SHROOM4: variants seen among roughly 807,000 people sequenced by gnomAD.
The protein encoded by SHROOM4 is protein Shroom4.
In SHROOM4, 17 loss-of-function variants were observed where a neutral mutation model predicts 80.3. That is an observed-to-expected ratio of 0.21 (90% confidence interval 0.14 to 0.32). The LOEUF (loss-of-function observed/expected upper bound fraction) is 0.32, where lower values mean the gene tolerates loss of function less well. SHROOM4 is among the 10% of genes least tolerant of loss of function. The probability of loss-of-function intolerance (pLI) is 1.00; values close to 1 mark genes in which losing one functional copy is unlikely to be tolerated. For synonymous variants in SHROOM4, 400 were observed against 437.5 expected (o/e 0.91, Z 1.07); for missense variants, 993 against 1,140.3 (o/e 0.87, Z 1.86).
intron 2 of SHROOM4, among the ~76,000 whole-genome samples, chrX:50,695,067 A>G (rs1602440410): frequency 9.0e-6 from 1 of 111,395 alleles, no homozygotes; most frequent in East Asian, 2.8e-4. Flanking sequence ...TAGCAGAATG[A>G]CTGTGCCCAA....
intron 2 of SHROOM4, among the ~76,000 whole-genome samples, chrX:50,675,147 G>GAACAAC (rs1557261169): frequency 1.8e-5 from 2 of 111,327 alleles, no homozygotes; most frequent in African/African-American, 6.5e-5. Context: ...TTAGAGAGGG[G>GAACAAC]AACAACACAC....
intron 2 of SHROOM4, among the ~76,000 whole-genome samples, chrX:50,643,028 C>A (rs1931664174): frequency 9.0e-6 from 1 of 110,974 alleles, no homozygotes; most frequent in Non-Finnish European, 1.9e-5. Context: ...TGAAACCATT[C>A]CCTCCATAGG....
chrX:50,623,395 C>T (rs1217512253), intron 5 of SHROOM4, among the ~76,000 whole-genome samples: 1 of 111,040 alleles, frequency 9.0e-6, no homozygotes, highest in African/African-American at 3.3e-5. Context: ...ACCATGTTGG[C>T]CAAGCTGGTC....
chrX:50,780,195 A>G (rs894912817), intron 1 of SHROOM4, among the ~76,000 whole-genome samples: 1 of 111,920 alleles, frequency 8.9e-6, no homozygotes, highest in African/African-American at 3.2e-5. Flanking sequence ...TTAAAAGCCA[A>G]CTAAGTAGTA....
At chrX:50,675,131 C>T (rs1932839293) in intron 2 of SHROOM4, among the ~76,000 whole-genome samples, 1 of 111,240 alleles carries the variant, frequency 9.0e-6, no homozygotes, top group Non-Finnish European at 1.9e-5. Flanking sequence ...CATACGTTGT[C>T]ATCATTTAGA....
intron 1 of SHROOM4, among the ~76,000 whole-genome samples, chrX:50,795,141 TATATG>T (rs1477274935): frequency 1.7e-3 from 4 of 2,316 alleles, no homozygotes; most frequent in African/African-American, 3.0e-3. Flanking sequence ...TATATATATA[TATATG>T]ATATATATAT....
At chrX:50,651,830 G>C (rs1457717965) in intron 2 of SHROOM4, among the ~76,000 whole-genome samples, 1 of 110,137 alleles carries the variant, frequency 9.1e-6, no homozygotes, top group Non-Finnish European at 1.9e-5. Context: ...AGAACATGTG[G>C]TGTTTGGTTT....
chrX:50,671,887 T>C (rs1475424466), intron 2 of SHROOM4, among the ~76,000 whole-genome samples: 1 of 112,976 alleles, frequency 8.9e-6, no homozygotes, highest in African/African-American at 3.2e-5. Context: ...TTCACATGCC[T>C]TCCTCACTAA....
chrX:50,669,566 G>A (rs1001939002), intron 2 of SHROOM4, among the ~76,000 whole-genome samples: 13 of 111,634 alleles, frequency 1.2e-4, no homozygotes, highest in African/African-American at 4.2e-4. Flanking sequence ...CTCCCAAAGT[G>A]CTGGGATTAC....
chrX:50,761,326 A>G (rs1557268852), intron 1 of SHROOM4, among the ~76,000 whole-genome samples: 1 of 111,777 alleles, frequency 8.9e-6, no homozygotes, highest in Non-Finnish European at 1.9e-5. Flanking sequence ...TAAGGATAAT[A>G]GCCTCCAGCT....
intron 5 of SHROOM4, among the ~76,000 whole-genome samples, chrX:50,618,335 C>CTTT (rs1930374559): frequency 1.7e-4 from 1 of 6,034 alleles, no homozygotes; most frequent in Admixed American, 1.6e-3. Flanking sequence ...TTCCTTCCTT[C>CTTT]CTTCCTTCCT....
intron 2 of SHROOM4, among the ~76,000 whole-genome samples, chrX:50,673,076 G>A (rs1181496741): frequency 9.0e-6 from 1 of 110,869 alleles, no homozygotes; most frequent in Admixed American, 9.5e-5. Context: ...GACAAAAGAA[G>A]GATTCCTGGA....
intron 1 of SHROOM4, among the ~76,000 whole-genome samples, chrX:50,771,002 T>C (rs782298519): frequency 6.3e-5 from 7 of 111,788 alleles, no homozygotes; most frequent in African/African-American, 1.9e-4. Context: ...CTCTGGCTGC[T>C]AGAAAAACAG....
intron 2 of SHROOM4, among the ~76,000 whole-genome samples, chrX:50,691,051 C>T (rs1039428282): frequency 8.9e-6 from 1 of 112,565 alleles, no homozygotes; most frequent in Non-Finnish European, 1.9e-5. Flanking sequence ...AGACAATATG[C>T]AGTCTATAAA....
At chrX:50,720,852 G>GA (rs1161926620) in intron 1 of SHROOM4, among the ~76,000 whole-genome samples, 53 of 108,309 alleles carry the variant, frequency 4.9e-4, no homozygotes, top group South Asian at 7.9e-4. Flanking sequence ...ATGTGGGGAA[G>GA]AAAAAAAAAA....
intron 1 of SHROOM4, among the ~76,000 whole-genome samples, chrX:50,730,022 A>T (rs1484526894): frequency 8.9e-6 from 1 of 112,221 alleles, no homozygotes; most frequent in East Asian, 2.8e-4. Context: ...TCAAAGTGAC[A>T]CCAGAGAGTA....
chrX:50,813,690 G>A (rs1376357416), intron 1 of SHROOM4, among the ~76,000 whole-genome samples: 1 of 112,090 alleles, frequency 8.9e-6, no homozygotes, highest in Non-Finnish European at 1.9e-5. Context: ...TCTAGCCGGG[G>A]GCCAGTTGTG....
At chrX:50,785,528 A>G (rs2147686431) in intron 1 of SHROOM4, among the ~76,000 whole-genome samples, 1 of 112,147 alleles carries the variant, frequency 8.9e-6, no homozygotes, top group African/African-American at 3.2e-5. Flanking sequence ...ATGCAACAAC[A>G]TAGACAGATA....
intron 5 of SHROOM4, among the ~76,000 whole-genome samples, chrX:50,614,913 T>C (rs1233049919): frequency 1.8e-5 from 2 of 112,306 alleles, no homozygotes; most frequent in Non-Finnish European, 3.8e-5. Flanking sequence ...ATGTGTAACA[T>C]AGAATAATCA....
Sources: gnomAD v4.1 joint callset for allele counts (sites outside exome capture counted in the v4.1 genomes callset) on GRCh38, gnomAD v4.1.1 for gene constraint, MANE v1.5 for transcripts, NCBI Gene and HGNC (gene_info 2026-07-23, HGNC 2026-07-21) for gene names.